The following RMDN2 variants were observed in gnomAD, a reference collection of about 807,000 sequenced individuals.
RMDN2 encodes regulator of microtubule dynamics 2.
In RMDN2, 61 loss-of-function variants were observed where a neutral mutation model predicts 52.8. That is an observed-to-expected ratio of 1.16 (90% confidence interval 0.94 to 1.43). RMDN2 has a LOEUF of 1.43. Ranked by LOEUF, RMDN2 falls within the 40% of genes most tolerant of loss-of-function variation. The pLI is 0.00. For synonymous variants in RMDN2, 180 were observed against 153.1 expected (o/e 1.18, Z -1.30); for missense variants, 592 against 475.3 (o/e 1.25, Z -2.28).
At chr2:38,054,042 C>A (rs1252627289) in intron 10 of RMDN2, among the ~76,000 whole-genome samples, 4 of 152,204 alleles carry the variant, frequency 2.6e-5, no homozygotes, top group African/African-American at 9.6e-5. Flanking sequence ...TATCAGATTA[C>A]TGTACTCACC....
At chr2:37,976,922 A>G (rs572107673) in intron 4 of RMDN2, among the ~76,000 whole-genome samples, 2 of 151,912 alleles carry the variant, frequency 1.3e-5, no homozygotes, top group Admixed American at 1.3e-4. Context: ...TCACAGGACA[A>G]TAGTGGAGGG....
intron 2 of RMDN2, chr2:37,952,075 A>C: frequency 1.2e-6 from 2 of 1,613,272 alleles, no homozygotes; most frequent in Non-Finnish European, 1.7e-6. Context: ...TCTTCATCTT[A>C]TAAAAATTCT....
At chr2:38,039,047 T>TAC (rs71414270) in intron 10 of RMDN2, among the ~76,000 whole-genome samples, 12,400 of 127,000 alleles carry the variant, frequency 0.098, 632 homozygotes, top group Middle Eastern at 0.15. Context: ...CCAGATGCTA[T>TAC]ACACACACAC....
intron 10 of RMDN2, among the ~76,000 whole-genome samples, chr2:38,059,870 T>C (rs1389600195): frequency 1.3e-5 from 2 of 152,056 alleles, no homozygotes; most frequent in Non-Finnish European, 2.9e-5. Context: ...TGTGGTTTTT[T>C]GTTGTCGTTG....
At chr2:38,010,277 G>A (rs1274792915) in intron 10 of RMDN2, among the ~76,000 whole-genome samples, 1 of 152,228 alleles carries the variant, frequency 6.6e-6, no homozygotes. Flanking sequence ...GGATTCTGCT[G>A]CCTTTTGTTT....
chr2:38,021,730 G>T (rs1679395032), downstream of RMDN2, among the ~76,000 whole-genome samples: 1 of 152,178 alleles, frequency 6.6e-6, no homozygotes, highest in South Asian at 2.1e-4. Context: ...TGTAGGGTTG[G>T]CCGTACAAAT....
intron 2 of RMDN2, among the ~76,000 whole-genome samples, chr2:37,968,019 G>A (rs551357824): frequency 3.3e-5 from 5 of 151,816 alleles, no homozygotes; most frequent in South Asian, 2.1e-4. Context: ...CCTTTTTTCC[G>A]TGAACTTTTT....
At position 37,929,434 on chromosome 2, in the gene RMDN2, A is replaced by G. The variant is rs1666544045; in HGVS notation, c.157A>G (p.Thr53Ala). The change falls in exon 2 of 11, where the codon ACT (threonine) becomes GCT (alanine). Residue 53 changes from threonine to alanine, a missense_variant. Thr to Ala is a moderately conservative substitution (Grantham distance 58). Coordinates refer to ENST00000354545, the MANE Select transcript of RMDN2 (RefSeq NM_001170791.3). ...TCTGGGTAATACATTTAATTCAATAACTTTGCAAGATGAAATACATGATGA... is the reference window on the plus strand; with the variant it reads ...TCTGGGTAATACATTTAATTCAATAGCTTTGCAAGATGAAATACATGATGA... The part of the protein sequence containing the change: ...LSLGNTFNSI[T>A]LQDEIHDDQG... 3 of 1,551,580 alleles carry G rather than the reference A, an allele frequency of 1.9e-6. No individual in the cohort carries two copies. The African/African-American group carries it at 4.1e-5, about 21-fold the overall frequency.
intron 2 of RMDN2, among the ~76,000 whole-genome samples, chr2:37,935,929 G>C (rs1479259312): frequency 6.6e-6 from 1 of 151,934 alleles, no homozygotes; most frequent in African/African-American, 2.4e-5. Context: ...TTTAAGTTCT[G>C]GGATACATGT....
intron 2 of RMDN2, among the ~76,000 whole-genome samples, chr2:37,931,638 A>G (rs905362580): frequency 4.6e-5 from 7 of 152,244 alleles, no homozygotes; most frequent in African/African-American, 1.7e-4. Context: ...AAAGAGGCAA[A>G]CTTTGATAAG....
intron 4 of RMDN2, among the ~76,000 whole-genome samples, chr2:37,978,574 C>T (rs771750641): frequency 6.6e-4 from 101 of 151,946 alleles, no homozygotes; most frequent in Non-Finnish European, 1.1e-3. Flanking sequence ...GCCTGTAATC[C>T]CAGCACTTTG....
chr2:38,003,932 G>T (rs909941958), intron 8 of RMDN2, 59 bp from the exon 9 acceptor site: 1 of 1,225,854 alleles, frequency 8.2e-7, no homozygotes, highest in East Asian at 2.3e-5. Flanking sequence ...CTCTTCACTT[G>T]TGGTTACTGT....
chr2:37,939,462 C>T (rs1027128003), intron 2 of RMDN2, among the ~76,000 whole-genome samples: 2 of 152,066 alleles, frequency 1.3e-5, no homozygotes, highest in East Asian at 1.9e-4. Flanking sequence ...TTTTCTGTCT[C>T]GTTGATTTGT....
At chr2:38,006,344 G>C (rs1040768530) in intron 10 of RMDN2, among the ~76,000 whole-genome samples, 28 of 152,198 alleles carry the variant, frequency 1.8e-4, no homozygotes, top group African/African-American at 6.3e-4. Context: ...AGCATGGAAT[G>C]TTCTTCCATT....
intron 2 of RMDN2, among the ~76,000 whole-genome samples, 185 bp from the exon 3 acceptor site, chr2:37,973,855 C>G (rs565259180): frequency 6.6e-6 from 1 of 152,166 alleles, no homozygotes; most frequent in East Asian, 1.9e-4. Flanking sequence ...GTAACGAGAT[C>G]GTGGGCAAAT....
chr2:37,938,190 A>G (rs958809294), intron 2 of RMDN2, among the ~76,000 whole-genome samples: 3 of 152,002 alleles, frequency 2.0e-5, no homozygotes, highest in Non-Finnish European at 4.4e-5. Context: ...TATGTGATGG[A>G]TTATGTTTAC....
At chr2:37,991,134 A>C (rs1674733344) in intron 6 of RMDN2, 86 bp from the exon 7 acceptor site, 1 of 593,612 alleles carries the variant, frequency 1.7e-6, no homozygotes, top group Non-Finnish European at 2.9e-6. Flanking sequence ...TTTTAAAACC[A>C]CTTTTGAGTT....
intron 10 of RMDN2, among the ~76,000 whole-genome samples, chr2:38,004,982 A>C (rs190530433): frequency 0.041 from 6,214 of 151,948 alleles, 402 homozygotes; most frequent in African/African-American, 0.14. Context: ...GTTTGCTGAG[A>C]ATGATGGTTT....
chr2:37,987,792 C>T (rs1216479445), intron 5 of RMDN2, among the ~76,000 whole-genome samples: 1 of 152,120 alleles, frequency 6.6e-6, no homozygotes, highest in Admixed American at 6.5e-5. Flanking sequence ...GGCACAGTGG[C>T]TCTTGCCTGT....
Sources: gnomAD v4.1 joint callset for allele counts (sites outside exome capture counted in the v4.1 genomes callset) on GRCh38, gnomAD v4.1.1 for gene constraint, MANE v1.5 for transcripts, NCBI Gene and HGNC (gene_info 2026-07-23, HGNC 2026-07-21) for gene names.